Variants in HERC2 observed in about 807,000 individuals in gnomAD.
The protein encoded by HERC2 is E3 ubiquitin-protein ligase HERC2.
In HERC2, 102 loss-of-function variants were observed where a neutral mutation model predicts 537.7. The observed-to-expected ratio is 0.19, with a 90% CI of 0.16 to 0.22. The LOEUF is 0.22. HERC2 is among the 10% of genes least tolerant of loss of function. The probability of loss-of-function intolerance (pLI) is 1.00; values close to 1 mark genes in which losing one functional copy is unlikely to be tolerated. For synonymous variants in HERC2, 2,224 were observed against 2,466.2 expected (o/e 0.90, Z 2.91); for missense variants, 4,236 against 6,198.2 (o/e 0.68, Z 10.63).
intron 16 of HERC2, 23 bp from the exon 17 acceptor site, chr15:28,257,284 A>C (rs754983021): frequency 6.2e-7 from 1 of 1,603,898 alleles, no homozygotes; most frequent in Non-Finnish European, 8.5e-7. Flanking sequence ...GCAACAATCT[A>C]AAATGAATCT....
chr15:28,237,758 T>C (rs1025571138), intron 25 of HERC2, among the ~76,000 whole-genome samples: 8 of 152,242 alleles, frequency 5.3e-5, no homozygotes, highest in Admixed American at 1.3e-4. Context: ...ATATTTCTAC[T>C]GTAAAGAATT....
intron 2 of HERC2, among the ~76,000 whole-genome samples, chr15:28,310,064 G>C (rs1413160457): frequency 6.6e-6 from 1 of 152,162 alleles, no homozygotes; most frequent in Non-Finnish European, 1.5e-5. Flanking sequence ...CAGCACCTTG[G>C]AAGACTGAGG....
At chr15:28,129,433 C>T (rs147141413) in intron 83 of HERC2, among the ~76,000 whole-genome samples, 26 of 152,334 alleles carry the variant, frequency 1.7e-4, no homozygotes, top group African/African-American at 5.8e-4. Context: ...ATCACACAGG[C>T]ACCCCCTGCC....
chr15:28,279,031 C>T (rs1470359813), intron 5 of HERC2, among the ~76,000 whole-genome samples: 1 of 152,180 alleles, frequency 6.6e-6, no homozygotes, highest in Non-Finnish European at 1.5e-5. Context: ...GACAGAATTT[C>T]ATTCTTGTTG....
chr15:28,157,633 C>G (rs1566953347), intron 69 of HERC2, among the ~76,000 whole-genome samples: 1 of 152,056 alleles, frequency 6.6e-6, no homozygotes, highest in Non-Finnish European at 1.5e-5. Context: ...ATTCTTCTCT[C>G]TTTTCTTATT....
chr15:28,276,124 T>C (rs2075865137), intron 5 of HERC2, among the ~76,000 whole-genome samples: 1 of 141,708 alleles, frequency 7.1e-6, no homozygotes, highest in Admixed American at 7.4e-5. Context: ...AGACAAAGGT[T>C]GCAGTGAGCC....
chr15:28,128,350 G>A (rs1215434928), intron 83 of HERC2, among the ~76,000 whole-genome samples: 2 of 152,224 alleles, frequency 1.3e-5, no homozygotes, highest in Non-Finnish European at 2.9e-5. Flanking sequence ...GAAAAGCTCA[G>A]GACGCGGCAG....
chr15:28,144,224 G>A lies in HERC2; in HGVS notation c.11152C>T (p.Leu3718Phe). Residue 3718 changes from leucine (L) to phenylalanine (F), a missense_variant, in exon 73 of 93, where the codon CTC becomes TTC. Around this residue, in one of 27 missense-constraint regions of HERC2, gnomAD observed 109 missense variants for 133.5 expected, o/e 0.82. Transcript: ENST00000261609. ...PIMPAAGPKELLSDRCVLSCP... is the reference protein window; with the variant it reads ...PIMPAAGPKEFLSDRCVLSCP... ...GAGAGGACGCAGCGGTCAGAGAGGA[G>A]TTCTTTAGGGCCTGTGAATGAACAC... 3 of 1,613,990 alleles carry A rather than the reference G, an allele frequency of 1.9e-6. No individual in the cohort carries two copies. The highest frequency in any genetic ancestry group is 2.5e-6 in the Non-Finnish European group (3 of 1,180,028).
chr15:28,142,972 T>C lies in HERC2; in HGVS notation c.11419-20A>G. ...AAAACTCTAAGAAACAACAGAACAG[T>C]ATTCTATCGCAGGAATCCAGGTGCC... On this transcript the variant is annotated intron_variant, in intron 74 of 92. Coordinates refer to ENST00000261609, the MANE Select transcript of HERC2 (RefSeq NM_004667.6). The C allele has an allele frequency of 3.1e-6, 5 of 1,604,912 alleles. No individual in the cohort carries two copies. The highest frequency in any genetic ancestry group is 1.3e-5 in the African/African-American group (1 of 74,644).
intron 65 of HERC2, 33 bp from the exon 66 acceptor site, chr15:28,169,688 TA>T: frequency 1.9e-6 from 3 of 1,585,646 alleles, no homozygotes; most frequent in Non-Finnish European, 1.7e-6. Context: ...GCATTGTTTT[TA>T]AAATCACAGT....
intron 23 of HERC2, among the ~76,000 whole-genome samples, chr15:28,241,043 G>C (rs1288410331): frequency 1.3e-5 from 2 of 152,164 alleles, no homozygotes; most frequent in African/African-American, 4.8e-5. Context: ...AAAAAAATAG[G>C]TAAGTTGGAC....
At chr15:28,287,922 C>G (rs1238588747) in intron 4 of HERC2, among the ~76,000 whole-genome samples, 2 of 151,982 alleles carry the variant, frequency 1.3e-5, no homozygotes, top group African/African-American at 2.4e-5. Context: ...GACGCTGTTT[C>G]ACCGTGTTAG....
At chr15:28,284,642 G>A (rs2076104953) in intron 4 of HERC2, among the ~76,000 whole-genome samples, 1 of 151,980 alleles carries the variant, frequency 6.6e-6, no homozygotes, top group African/African-American at 2.4e-5. Context: ...TACCAGGAAG[G>A]CCGGGCACAG....
chr15:28,306,815 C>G (rs984815527), intron 2 of HERC2, among the ~76,000 whole-genome samples: 10 of 152,198 alleles, frequency 6.6e-5, no homozygotes, highest in African/African-American at 1.7e-4. Context: ...GCTGTATGTG[C>G]CTGTGAAATT....
chr15:28,310,445 A>C (rs1157006183), intron 2 of HERC2, among the ~76,000 whole-genome samples: 3 of 152,162 alleles, frequency 2.0e-5, no homozygotes, highest in African/African-American at 7.2e-5. Context: ...ACCCTATCAA[A>C]AAAAAATTTT....
intron 35 of HERC2, among the ~76,000 whole-genome samples, chr15:28,225,676 A>G (rs1901058260): frequency 6.7e-6 from 1 of 149,082 alleles, no homozygotes; most frequent in African/African-American, 2.5e-5. Flanking sequence ...CTGGCCTGGC[A>G]AGAGAGCAAG....
intron 2 of HERC2, among the ~76,000 whole-genome samples, chr15:28,307,288 G>T (rs145270847): frequency 1.3e-5 from 2 of 152,138 alleles, no homozygotes; most frequent in Admixed American, 6.5e-5. Flanking sequence ...CTGCCTGAAG[G>T]CTTGTCAATT....
rs185255590 is a variant in HERC2, at chr15:28,315,736, G to A, written c.72+5626C>T. ...AAGAAGCGAATGCGCAGGCTGAAGC[G>A]CAAAAGAAGAAAGATGAGGCAGAGG... On this transcript the variant is annotated intron_variant, in intron 2 of 92. Coordinates refer to ENST00000261609, the MANE Select transcript of HERC2 (RefSeq NM_004667.6). The A allele has an allele frequency of 2.8e-4, 372 of 1,313,174 alleles. 2 individuals are homozygous for A. The African/African-American group carries it at 3.8e-3, about 13-fold the overall frequency. The allele number at this position is 1,313,174 out of a possible 1,614,324, so 81.3% of individuals were successfully genotyped here.
intron 2 of HERC2, among the ~76,000 whole-genome samples, chr15:28,304,102 G>A (rs1305578288): frequency 4.2e-5 from 6 of 143,442 alleles, no homozygotes; most frequent in African/African-American, 1.6e-4. Context: ...GGAGGCAGAG[G>A]TTGCAGTGAG....
Sources: allele counts gnomAD v4.1 joint callset (sites outside exome capture counted in the v4.1 genomes callset), GRCh38; gene constraint gnomAD v4.1.1; regional missense constraint gnomAD v4.1.1; transcripts MANE v1.5; gene names NCBI Gene and HGNC (gene_info 2026-07-23, HGNC 2026-07-21).